The following SGTA variants were observed in gnomAD, a reference collection of about 807,000 sequenced individuals.
SGTA encodes the protein small glutamine-rich tetratricopeptide repeat-containing protein alpha.
In SGTA, 22 loss-of-function variants were observed where a neutral mutation model predicts 44.3. That is an observed-to-expected ratio of 0.50 (90% CI 0.36 to 0.71). The LOEUF is 0.71. Among genes scored for constraint, SGTA ranks in the 30% least tolerant of loss-of-function variants. The pLI is 0.00. For synonymous variants in SGTA, 174 were observed against 177.6 expected (o/e 0.98, Z 0.16); for missense variants, 341 against 435.9 (o/e 0.78, Z 1.94).
rs534877038 is a variant in SGTA, at chr19:2,762,407, C to A, written c.636+99G>T. 7 of 1,253,498 alleles carry A rather than the reference C, an allele frequency of 5.6e-6. No homozygotes were observed. In the African/African-American group the frequency reaches 7.4e-5, roughly 13 times the overall value. 77.6% of individuals were successfully genotyped at this position (1,253,498 alleles called of 1,614,324 possible). The stretch of plus-strand genomic sequence containing the variant: ...AAACAAACCCCGGACCCTCACGACA[C>A]CCAGGTTAAGCCTAGAGCCACTGGT... On this transcript the variant is annotated intron_variant, in intron 7 of 11. Coordinates refer to ENST00000221566, the MANE Select transcript of SGTA (RefSeq NM_003021.4).
chr19:2,757,310 C>T, intron 11 of SGTA, 27 bp downstream of exon 11: 2 of 1,596,362 alleles, frequency 1.3e-6, no homozygotes, highest in East Asian at 2.2e-5. Context: ...GCTGGCCACC[C>T]CCCAGCCCCC....
At chr19:2,759,008 G>C (rs186671644) in intron 9 of SGTA, among the ~76,000 whole-genome samples, 1 of 152,096 alleles carries the variant, frequency 6.6e-6, no homozygotes, top group South Asian at 2.1e-4. Context: ...AGCTGAGGGG[G>C]AAGGGGCTTC....
rs146942751 is a variant in SGTA at position 2,761,040 on chromosome 19, G to A, written c.699+420C>T. Among the ~76,000 whole-genome samples the A allele has an allele frequency of 1.3e-5, 2 of 152,222 alleles. No homozygotes were observed. Among genetic ancestry groups the A allele is most frequent in the South Asian group, 2.1e-4 (1 of 4,832 alleles). On this transcript the variant is annotated intron_variant, in intron 8 of 11. Coordinates refer to ENST00000221566, the MANE Select transcript of SGTA (RefSeq NM_003021.4). This position sits in a 1 kb window ranked among gnomAD's most constrained non-coding sequence, Gnocchi z 5.7. ...AGGTCCACCTGCGCCCGGCGCACCC[G>A]GCGCTCTGCTTCCCTTGCCTGAACC...
chr19:2,762,693 G>T, intron 6 of SGTA, 49 bp from the exon 7 acceptor site: 1 of 1,606,042 alleles, frequency 6.2e-7, no homozygotes. Context: ...CCAGCTCCAG[G>T]AGGCCCCGCC....
chr19:2,765,260 G>A lies in SGTA; in HGVS notation c.318C>T (p.Asn106=). Residue 106 remains asparagine (N), a synonymous_variant, in exon 5 of 12, where the codon AAC becomes AAT. Transcript: ENST00000221566. This position sits in a 1 kb window ranked among gnomAD's most constrained non-coding sequence, Gnocchi z 5.5. ...CGTAGAAATGCACGGCAGCTTCAAAGTTTTCCACTTTCATCTGCTCGTTTC... is the reference window on the plus strand; with the variant it reads ...CGTAGAAATGCACGGCAGCTTCAAAATTTTCCACTTTCATCTGCTCGTTTC... ...TEGNEQMKVE[N]FEAAVHFYGK... The A allele has an allele frequency of 6.2e-7, 1 of 1,612,832 alleles. No homozygotes were observed. Among genetic ancestry groups the A allele is most frequent in the Non-Finnish European group, 8.5e-7 (1 of 1,179,890 alleles).
In SGTA at chr19:2,763,443, C is replaced by T. The variant is rs574330436; in HGVS notation, c.497+210G>A. ...GAGAAGCAAGGGGCCCAGGGATCTCCGGGTGGCACCTGATGCGGGGCGTCT... is the reference window on the plus strand; with the variant it reads ...GAGAAGCAAGGGGCCCAGGGATCTCTGGGTGGCACCTGATGCGGGGCGTCT... On this transcript the variant is annotated intron_variant, in intron 6 of 11. Transcript: ENST00000221566. This position sits in a 1 kb window ranked among gnomAD's most constrained non-coding sequence, Gnocchi z 5.8. Among the ~76,000 whole-genome samples, 51 of 152,228 alleles carry T rather than the reference C, an allele frequency of 3.4e-4. 1 individual carries two copies. Among genetic ancestry groups the T allele is most frequent in the Admixed American group, 8.5e-4 (13 of 15,274 alleles).
At position 2,757,404 on chromosome 19, in the gene SGTA, T is replaced by C; in HGVS notation, c.881A>G (p.Gln294Arg). ...MQQQNPELIE[Q>R]LRSQIRSRTP... ...CCGACTCCGGATCTGGCTCCTGAGC[T>C]GCTCTATCAACTCTGGGTTCTGCTG... is the stretch of plus-strand genomic sequence containing the variant. Residue 294 changes from glutamine to arginine, a missense_variant, in exon 11 of 12, where the codon CAG (glutamine) becomes CGG (arginine). By Grantham distance (43) the Gln-to-Arg change is conservative. Coordinates refer to ENST00000221566, the MANE Select transcript of SGTA (RefSeq NM_003021.4). The C allele has an allele frequency of 6.2e-7, 1 of 1,608,678 alleles. No individual in the cohort carries two copies. The highest frequency in any genetic ancestry group is 1.3e-5 in the African/African-American group (1 of 75,038).
chr19:2,780,936 A>T (rs1425072300), intron 1 of SGTA, among the ~76,000 whole-genome samples: 1 of 152,188 alleles, frequency 6.6e-6, no homozygotes, highest in Non-Finnish European at 1.5e-5. Flanking sequence ...AAATACAAAA[A>T]TTAGCTGGGT....
intron 11 of SGTA, among the ~76,000 whole-genome samples, chr19:2,757,071 C>T (rs1914839180): frequency 6.6e-6 from 1 of 152,214 alleles, no homozygotes; most frequent in Non-Finnish European, 1.5e-5. Flanking sequence ...CTAATCTCCA[C>T]CCAGCGCCGA....
intron 1 of SGTA, among the ~76,000 whole-genome samples, chr19:2,782,820 C>A (rs147543897): frequency 6.6e-6 from 1 of 152,196 alleles, no homozygotes; most frequent in South Asian, 2.1e-4. Flanking sequence ...GCAAGGTCAC[C>A]CAGGTAGGGA....
Position 2,759,237 on chromosome 19 carries a change from G to A in SGTA, c.737+20C>T. On this transcript the variant is annotated intron_variant, in intron 9 of 11. Transcript: ENST00000221566. ...AAATTTAACCACAACAAGACCCGAA[G>A]AAACCCGGTTGTCACTTACAGCTGC... 4 of 1,612,836 alleles carry A rather than the reference G, an allele frequency of 2.5e-6. No homozygotes were observed. The highest frequency in any genetic ancestry group is 3.4e-6 in the Non-Finnish European group (4 of 1,178,902).
At chr19:2,781,188 C>A (rs962549441) in intron 1 of SGTA, among the ~76,000 whole-genome samples, 2 of 152,226 alleles carry the variant, frequency 1.3e-5, no homozygotes, top group Non-Finnish European at 2.9e-5. Context: ...AAGACGACAG[C>A]TCTCAAGGAT....
In SGTA at chr19:2,761,560, C is replaced by G. The variant is rs1164243530; in HGVS notation, c.637-38G>C. 2 of 1,510,332 alleles carry G rather than the reference C, an allele frequency of 1.3e-6. No individual in the cohort carries two copies. Among genetic ancestry groups the G allele is most frequent in the Non-Finnish European group, 1.8e-6 (2 of 1,109,890 alleles). The allele number at this position is 1,510,332 out of a possible 1,614,324, so 93.6% of individuals were successfully genotyped here. On this transcript the variant is annotated intron_variant, in intron 7 of 11. Coordinates refer to ENST00000221566, the MANE Select transcript of SGTA (RefSeq NM_003021.4). The surrounding 1 kb of genome is among the most constrained non-coding windows in gnomAD (Gnocchi z 5.7). ...ACAGCCCTGGTTAGTGGGGCCTGGA[C>G]CAGAGGCCACGGTGAATAACCCCCT...
chr19:2,776,507 A>C (rs1168752676), intron 1 of SGTA, among the ~76,000 whole-genome samples: 1 of 152,216 alleles, frequency 6.6e-6, no homozygotes, highest in Admixed American at 6.5e-5. Flanking sequence ...GGATTCACAG[A>C]GACCAAAAGT....
Position 2,765,844 on chromosome 19 carries a change from G to A in SGTA, c.293-559C>T, listed in dbSNP as rs963865257. On this transcript the variant is annotated intron_variant, in intron 4 of 11. Transcript: ENST00000221566. The surrounding 1 kb of genome is among the most constrained non-coding windows in gnomAD (Gnocchi z 5.5). The stretch of plus-strand genomic sequence containing the variant: ...CCCCGAGATCCCAATTCAGGAGGGC[G>A]TGGGGGGAAGATGGGTATCAGCGTG... Among the ~76,000 whole-genome samples, 4 of 150,724 alleles carry A rather than the reference G, an allele frequency of 2.7e-5. No individual in the cohort carries two copies. Among genetic ancestry groups the A allele is most frequent in the African/African-American group, 7.4e-5 (3 of 40,568 alleles).
chr19:2,769,189 G>T, intron 1 of SGTA, 98 bp from the exon 2 acceptor site: 1 of 687,620 alleles, frequency 1.5e-6, no homozygotes, highest in Non-Finnish European at 2.6e-6. Flanking sequence ...CTTTAAGGGT[G>T]CTGGCTGATC....
rs1477825126 is a variant in SGTA at position 2,761,553 on chromosome 19, G to T, written c.637-31C>A. 1 of 1,539,044 alleles carries T rather than the reference G, an allele frequency of 6.5e-7. No homozygotes were observed. Among genetic ancestry groups the T allele is most frequent in the Non-Finnish European group, 8.8e-7 (1 of 1,135,894 alleles). On this transcript the variant is annotated intron_variant, in intron 7 of 11. Coordinates refer to ENST00000221566, the MANE Select transcript of SGTA (RefSeq NM_003021.4). The surrounding 1 kb of genome is among the most constrained non-coding windows in gnomAD (Gnocchi z 5.7). ...GATGAGAACAGCCCTGGTTAGTGGG[G>T]CCTGGACCAGAGGCCACGGTGAATA...
At chr19:2,759,321 A>G (rs1914919069) in intron 8 of SGTA, 27 bp from the exon 9 acceptor site, 1 of 1,608,048 alleles carries the variant, frequency 6.2e-7, no homozygotes, top group Non-Finnish European at 8.5e-7. Flanking sequence ...ATTTGTCAGG[A>G]AGACAAAGCT....
chr19:2,763,579 C>T lies in SGTA; in HGVS notation c.497+74G>A. 3 of 1,052,272 alleles carry T rather than the reference C, an allele frequency of 2.9e-6. No homozygotes were observed. Among genetic ancestry groups the T allele is most frequent in the Non-Finnish European group, 2.8e-6 (2 of 714,468 alleles). 65.2% of individuals were successfully genotyped at this position (1,052,272 alleles called of 1,614,324 possible). A position where few individuals can be genotyped will look rare whatever the true frequency, so the allele number is the denominator to read the frequency against. On this transcript the variant is annotated intron_variant, in intron 6 of 11. Coordinates refer to ENST00000221566, the MANE Select transcript of SGTA (RefSeq NM_003021.4). This position sits in a 1 kb window ranked among gnomAD's most constrained non-coding sequence, Gnocchi z 5.8. ...CGTTGTGGGTGGGAAAAAAGCCACACAAGAGAGGAAGCAGGAGCAGGAGAG... is the reference window on the plus strand; with the variant it reads ...CGTTGTGGGTGGGAAAAAAGCCACATAAGAGAGGAAGCAGGAGCAGGAGAG...
Sources: gnomAD v4.1 joint callset for allele counts (sites outside exome capture counted in the v4.1 genomes callset) on GRCh38, gnomAD v4.1.1 for gene constraint, Gnocchi (gnomAD v3.1) non-coding constraint, MANE v1.5 for transcripts, NCBI Gene and HGNC (gene_info 2026-07-23, HGNC 2026-07-21) for gene names.